SNTG1: variants seen among roughly 807,000 people sequenced by gnomAD.
The protein encoded by SNTG1 is gamma-1-syntrophin.
Under a neutral mutation model 74.7 loss-of-function variants are expected in SNTG1, and 39 were observed. The ratio of observed to expected loss-of-function variants is 0.52; its 90% CI spans 0.40 to 0.68. The LOEUF (loss-of-function observed/expected upper bound fraction) is 0.68. Ranked by LOEUF, SNTG1 falls within the 30% of genes least tolerant of loss-of-function variation. The pLI is 0.00. For synonymous variants in SNTG1, 254 were observed against 217.1 expected, an observed-to-expected ratio of 1.17 and a Z score of -1.49; for missense variants, 685 against 609.5, an observed-to-expected ratio of 1.12 and a Z score of -1.30.
chr8:50,000,813 AGG>A (rs1294201108), intron 1 of SNTG1, among the ~76,000 whole-genome samples: 1 of 152,236 alleles, frequency 6.6e-6, no homozygotes, highest in East Asian at 1.9e-4. Flanking sequence ...TCTGGACAAG[AGG>A]TTATCCTTCC....
intron 1 of SNTG1, among the ~76,000 whole-genome samples, chr8:49,979,319 C>A (rs918371419): frequency 2.0e-5 from 3 of 152,314 alleles, no homozygotes; most frequent in African/African-American, 7.2e-5. Flanking sequence ...GCCCAGAGCA[C>A]GGATGGGCCC....
intron 2 of SNTG1, among the ~76,000 whole-genome samples, chr8:50,354,934 ATAC>A (rs2131028163): frequency 6.6e-6 from 1 of 152,328 alleles, no homozygotes; most frequent in African/African-American, 2.4e-5. Flanking sequence ...CACAAATTTG[ATAC>A]TACTAAATTT....
At chr8:50,658,738 A>G in intron 15 of SNTG1, 75 bp downstream of exon 15, 1 of 889,030 alleles carries the variant, frequency 1.1e-6, no homozygotes, top group Non-Finnish European at 1.8e-6. Context: ...TAAGCAGCTC[A>G]TGAAAACAAA....
chr8:50,418,061 G>T (rs1035455686), intron 4 of SNTG1, among the ~76,000 whole-genome samples: 3 of 151,912 alleles, frequency 2.0e-5, no homozygotes, highest in African/African-American at 4.8e-5. Flanking sequence ...TTCTTCAAAA[G>T]CAAAATAAAA....
chr8:50,410,814 A>G (rs2092938836), intron 4 of SNTG1, among the ~76,000 whole-genome samples: 1 of 152,074 alleles, frequency 6.6e-6, no homozygotes, highest in African/African-American at 2.4e-5. Context: ...TCCTCTGTTC[A>G]TTTATGTTAT....
intron 17 of SNTG1, among the ~76,000 whole-genome samples, chr8:50,712,930 T>A (rs542459894): frequency 6.6e-6 from 1 of 152,318 alleles, no homozygotes; most frequent in Non-Finnish European, 1.5e-5. Flanking sequence ...TGGTTCCAAG[T>A]CTTTGCTATT....
chr8:50,505,951 C>G (rs1412655168), intron 9 of SNTG1, among the ~76,000 whole-genome samples: 1 of 151,948 alleles, frequency 6.6e-6, no homozygotes, highest in Non-Finnish European at 1.5e-5. Flanking sequence ...AGATTTTTCT[C>G]TAATTTTTCT....
In SNTG1 at chr8:50,396,452, A is replaced by G. The variant is rs542961529; in HGVS notation, c.27+2187A>G. 7.9e-5 allele frequency among the ~76,000 whole-genome samples: 12 copies of G among 152,338 alleles called. No homozygotes were observed. The East Asian group carries it at 2.3e-3, about 29-fold the overall frequency. On this transcript the variant is annotated intron_variant, in intron 3 of 18. Coordinates refer to ENST00000642720, the MANE Select transcript of SNTG1 (RefSeq NM_018967.5). ...CTAGAATTTAGTTAAGGAAAAGGCC[A>G]TGATCAAAAGTAATCCAGGAATGGG... is the stretch of plus-strand genomic sequence containing the variant.
intron 16 of SNTG1, among the ~76,000 whole-genome samples, chr8:50,706,233 G>A (rs2095443017): frequency 1.3e-5 from 2 of 151,872 alleles, no homozygotes; most frequent in Non-Finnish European, 2.9e-5. Context: ...CCAAAAAATA[G>A]TTTCCACAAT....
intron 3 of SNTG1, among the ~76,000 whole-genome samples, chr8:50,397,058 A>T (rs1381419680): frequency 1.3e-5 from 2 of 152,194 alleles, no homozygotes; most frequent in Admixed American, 1.3e-4. Context: ...TCCAATGTGG[A>T]TTTTGTAAAA....
intron 17 of SNTG1, among the ~76,000 whole-genome samples, chr8:50,747,188 T>C (rs189005926): frequency 2.5e-4 from 38 of 152,026 alleles, no homozygotes; most frequent in Admixed American, 2.0e-3. Flanking sequence ...AAAAGTAGTA[T>C]AATGCACTGT....
At chr8:50,024,834 G>C (rs927702200) in intron 1 of SNTG1, among the ~76,000 whole-genome samples, 13 of 152,138 alleles carry the variant, frequency 8.5e-5, no homozygotes, top group Non-Finnish European at 1.5e-4. Flanking sequence ...TAGTGGGTGG[G>C]CAAGTAGTGT....
chr8:50,397,215 C>A (rs1159885178), intron 3 of SNTG1, among the ~76,000 whole-genome samples: 1 of 152,078 alleles, frequency 6.6e-6, no homozygotes, highest in South Asian at 2.1e-4. Flanking sequence ...CACATGCATT[C>A]CTTTATTTAT....
At chr8:50,502,145 A>G (rs1268954068) in intron 8 of SNTG1, among the ~76,000 whole-genome samples, 2 of 152,194 alleles carry the variant, frequency 1.3e-5, no homozygotes, top group South Asian at 2.1e-4. Context: ...AGACTTCAAC[A>G]TTATATTACA....
In SNTG1 at chr8:50,381,590, G is replaced by GTA. The variant is rs1217277158; in HGVS notation, c.-27-12621_-27-12620insAT. ...TGTGTGTGTGTGTGTGTGTGTGTGT[G>GTA]TGTATATATATATATATCTCCTATT... On this transcript the variant is annotated intron_variant, in intron 2 of 18. Coordinates refer to ENST00000642720, the MANE Select transcript of SNTG1 (RefSeq NM_018967.5). 1.5e-3 allele frequency among the ~76,000 whole-genome samples: 199 copies of GTA among 132,058 alleles called. 2 individuals carry two copies. The highest frequency in any genetic ancestry group is 7.6e-3 in the Middle Eastern group (2 of 262). The allele number at this position is 132,058 out of a possible 152,430, so 86.6% of individuals were successfully genotyped here. A position where few individuals can be genotyped will look rare whatever the true frequency, so the allele number is the denominator to read the frequency against.
chr8:50,678,154 C>T (rs1472137189), intron 15 of SNTG1, among the ~76,000 whole-genome samples: 1 of 151,178 alleles, frequency 6.6e-6, no homozygotes, highest in Non-Finnish European at 1.5e-5. Context: ...AGTGTTCTTG[C>T]TATTTGTGCT....
chr8:50,719,784 C>A (rs2095483351), intron 17 of SNTG1, among the ~76,000 whole-genome samples: 1 of 152,010 alleles, frequency 6.6e-6, no homozygotes, highest in African/African-American at 2.4e-5. Context: ...ATCAACTTAC[C>A]AGATTGATAT....
At chr8:50,029,644 A>G (rs1003663010) in intron 1 of SNTG1, among the ~76,000 whole-genome samples, 1 of 152,048 alleles carries the variant, frequency 6.6e-6, no homozygotes, top group African/African-American at 2.4e-5. Context: ...CTAACATAAC[A>G]TCTAGTTCCC....
At chr8:49,986,720 A>AG (rs2130239690) in intron 1 of SNTG1, among the ~76,000 whole-genome samples, 1 of 138,370 alleles carries the variant, frequency 7.2e-6, no homozygotes, top group African/African-American at 3.3e-5. Context: ...AAAAAGTACA[A>AG]AAAAAAAAAA....
Sources: gnomAD v4.1 joint callset for allele counts (sites outside exome capture counted in the v4.1 genomes callset) on GRCh38, gnomAD v4.1.1 for gene constraint, MANE v1.5 for transcripts, NCBI Gene and HGNC (gene_info 2026-07-23, HGNC 2026-07-21) for gene names.